The following COLEC10 variants were observed in gnomAD, a reference collection of about 807,000 sequenced individuals.
COLEC10 encodes the protein collectin-10.
COLEC10 carries 22 observed loss-of-function variants against 28.4 expected under a neutral mutation model. The ratio of observed to expected loss-of-function variants is 0.78; its 90% CI spans 0.55 to 1.11. The LOEUF is 1.11. Ranked by LOEUF, COLEC10 falls within the 50% of genes least tolerant of loss-of-function variation. COLEC10 has a pLI of 0.00. For missense variants in COLEC10, 361 were observed against 344.1 expected, an observed-to-expected ratio of 1.05 and a Z score of -0.39; for synonymous variants, 125 against 116.1, an observed-to-expected ratio of 1.08 and a Z score of -0.49.
At chr8:119,104,520 G>C (rs1815900735) in intron 5 of COLEC10, among the ~76,000 whole-genome samples, 1 of 152,014 alleles carries the variant, frequency 6.6e-6, no homozygotes, top group African/African-American at 2.4e-5. Context: ...TTTAATGCTA[G>C]TTATCAGAAA....
the COLEC10 span, among the ~76,000 whole-genome samples, chr8:118,990,194 G>T: frequency 6.6e-6 from 1 of 151,934 alleles, no homozygotes; most frequent in Admixed American, 6.6e-5. Context: ...AGATTGTATG[G>T]TCACTGAGCT....
the COLEC10 span, among the ~76,000 whole-genome samples, chr8:118,975,566 C>T: frequency 2.0e-5 from 3 of 152,036 alleles, no homozygotes; most frequent in Non-Finnish European, 4.4e-5. Flanking sequence ...AATAGGGAGA[C>T]AGATTGTCCT....
chr8:119,079,672 C>A (rs1324676415), intron 1 of COLEC10, among the ~76,000 whole-genome samples: 2 of 124,642 alleles, frequency 1.6e-5, no homozygotes, highest in African/African-American at 3.1e-5. Context: ...TCCAAGTGAT[C>A]GTTCTTTTTA....
At chr8:119,073,828 T>C (rs1815170254) in intron 1 of COLEC10, among the ~76,000 whole-genome samples, 1 of 151,778 alleles carries the variant, frequency 6.6e-6, no homozygotes, top group South Asian at 2.1e-4. Context: ...TATGTATTAA[T>C]CACTAGTAGA....
At chr8:118,977,887 G>A in the COLEC10 span, among the ~76,000 whole-genome samples, 2 of 151,854 alleles carry the variant, frequency 1.3e-5, no homozygotes, top group East Asian at 1.9e-4. Flanking sequence ...TTATTGTACT[G>A]AGCATCTACA....
chr8:118,975,652 A>G, the COLEC10 span, among the ~76,000 whole-genome samples: 3 of 152,098 alleles, frequency 2.0e-5, no homozygotes, highest in East Asian at 1.9e-4. Flanking sequence ...TTTCCAAACT[A>G]TTAATCTTGC....
At chr8:119,061,812 A>G (rs1814861434) in intron 2 of COLEC10, among the ~76,000 whole-genome samples, 1 of 152,158 alleles carries the variant, frequency 6.6e-6, no homozygotes, top group Admixed American at 6.5e-5. Flanking sequence ...CAATTCCTAG[A>G]AAATAGTCAA....
chr8:119,042,042 C>G (rs548095701), intron 2 of COLEC10, among the ~76,000 whole-genome samples: 2 of 151,816 alleles, frequency 1.3e-5, no homozygotes, highest in African/African-American at 4.8e-5. Context: ...CTGTCTCCCA[C>G]GCTGGAGTGC....
At chr8:118,955,822 C>A in the COLEC10 span, among the ~76,000 whole-genome samples, 1 of 152,060 alleles carries the variant, frequency 6.6e-6, no homozygotes, top group Non-Finnish European at 1.5e-5. Flanking sequence ...ATTGTGTGGA[C>A]CAGGAGGGAC....
chr8:119,034,043 A>G (rs554297805), intron 2 of COLEC10, among the ~76,000 whole-genome samples: 29 of 152,346 alleles, frequency 1.9e-4, no homozygotes, highest in African/African-American at 7.0e-4. Context: ...ACATGTACAC[A>G]ATGGTATACT....
At position 119,067,441 on chromosome 8, in the gene COLEC10, A is replaced by T. The variant is rs753311492; in HGVS notation, c.148+12A>T. ...ACCAGGACCCAAAGGTGAGGAAAGA[A>T]AACCACAATTTTCATGTATAATAAA... On this transcript the variant is annotated intron_variant, in intron 1 of 5. Transcript: ENST00000332843. The T allele has an allele frequency of 3.9e-5, 63 of 1,611,294 alleles. No homozygotes were observed. The highest frequency in any genetic ancestry group is 5.3e-5 in the Non-Finnish European group (62 of 1,178,746).
chr8:118,998,287 A>G (rs1293887467), intron 1 of COLEC10, among the ~76,000 whole-genome samples: 1 of 152,102 alleles, frequency 6.6e-6, no homozygotes, highest in African/African-American at 2.4e-5. Flanking sequence ...AATTATTCCC[A>G]ATGTGGATAA....
At chr8:119,073,805 A>G (rs561183137) in intron 1 of COLEC10, among the ~76,000 whole-genome samples, 2 of 152,154 alleles carry the variant, frequency 1.3e-5, no homozygotes, top group South Asian at 2.1e-4. Flanking sequence ...ACTCTCTTAC[A>G]TAATAATTTG....
rs569239144 is a variant in COLEC10, at chr8:119,080,003, T to C, written c.149-9677T>C. Among the ~76,000 whole-genome samples the C allele has an allele frequency of 2.6e-5, 4 of 152,300 alleles. No individual in the cohort carries two copies. The East Asian group carries it at 7.7e-4, about 29-fold the overall frequency. On this transcript the variant is annotated intron_variant, in intron 1 of 5. Transcript: ENST00000332843. ...TGTGTTTCCTTGCATTTGTTTAGCATGTTAATATTGAAAATGAAAACTATT... is the reference window on the plus strand; with the variant it reads ...TGTGTTTCCTTGCATTTGTTTAGCACGTTAATATTGAAAATGAAAACTATT...
At chr8:119,000,292 T>C (rs1442773664) in intron 1 of COLEC10, among the ~76,000 whole-genome samples, 1 of 151,950 alleles carries the variant, frequency 6.6e-6, no homozygotes, top group Non-Finnish European at 1.5e-5. Flanking sequence ...AAAAAGGTGG[T>C]ACAGAGGAGA....
chr8:119,068,429 T>G (rs536868634), intron 1 of COLEC10: 1 of 152,274 alleles, frequency 6.6e-6, no homozygotes, highest in South Asian at 2.1e-4. Context: ...TCCAAATAAT[T>G]TCTTGGGTGA....
At position 119,022,692 on chromosome 8, in the gene COLEC10, C is replaced by T. The variant is rs2130110771; in HGVS notation, n.235+13139C>T. ...CTCACCTGGATTGTTGCAGGAGCCT[C>T]CTAACCTCTACTCTTCTTGCATAAT... On this transcript the variant is annotated intron_variant and non_coding_transcript_variant, in intron 2 of 6. Transcript: ENST00000521788. Among the ~76,000 whole-genome samples the T allele has an allele frequency of 2.0e-5, 3 of 152,130 alleles. No homozygotes were observed. In the East Asian group the frequency reaches 5.8e-4, roughly 29 times the overall value.
At chr8:119,010,840 T>C (rs563439818) in intron 2 of COLEC10, among the ~76,000 whole-genome samples, 35 of 151,252 alleles carry the variant, frequency 2.3e-4, no homozygotes, top group South Asian at 1.2e-3. Flanking sequence ...CACTTTTTAA[T>C]TGGGTTGTTA....
Position 119,012,939 on chromosome 8 carries a change from A to G in COLEC10, n.235+3386A>G, listed in dbSNP as rs1040792994. Among the ~76,000 whole-genome samples, 7 of 149,738 alleles carry G rather than the reference A, an allele frequency of 4.7e-5. No homozygotes were observed. In the South Asian group the frequency reaches 8.3e-4, roughly 18 times the overall value. On this transcript the variant is annotated intron_variant and non_coding_transcript_variant, in intron 2 of 6. Coordinates refer to the COLEC10 transcript ENST00000521788. ...AACTTTTGGTTGTGATGATTTCCCT[A>G]TTAATATCTTGTTTTCAATTTTGTT... is the stretch of plus-strand genomic sequence containing the variant.
Sources: allele counts gnomAD v4.1 joint callset (sites outside exome capture counted in the v4.1 genomes callset), GRCh38; gene constraint gnomAD v4.1.1; transcripts MANE v1.5; gene names NCBI Gene and HGNC (gene_info 2026-07-23, HGNC 2026-07-21).